ADCY5: variants seen among roughly 807,000 people sequenced by gnomAD.
The protein encoded by ADCY5 is adenylate cyclase 5.
A neutral mutation model predicts 119.7 loss-of-function variants in ADCY5; 30 were observed. The observed-to-expected ratio is 0.25, with a 90% CI of 0.19 to 0.34. ADCY5 has a LOEUF of 0.34. Ranked by LOEUF, ADCY5 falls within the 10% of genes least tolerant of loss-of-function variation. The probability of loss-of-function intolerance (pLI) is 1.00; values close to 1 mark genes in which losing one functional copy is unlikely to be tolerated. For synonymous variants in ADCY5, 753 were observed against 762.2 expected, an observed-to-expected ratio of 0.99 and a Z score of 0.20; for missense variants, 1,324 against 1,775.2, an observed-to-expected ratio of 0.75 and a Z score of 4.57.
intron 1 of ADCY5, among the ~76,000 whole-genome samples, chr3:123,440,467 C>G (rs1050203636): frequency 2.6e-5 from 4 of 151,728 alleles, no homozygotes; most frequent in Non-Finnish European, 4.4e-5. Context: ...AACCACCCCC[C>G]CTTTCTCTTG....
chr3:123,398,998 C>T (rs1468164195), intron 1 of ADCY5, among the ~76,000 whole-genome samples: 1 of 152,248 alleles, frequency 6.6e-6, no homozygotes, highest in Non-Finnish European at 1.5e-5. Context: ...GGCCATCCAG[C>T]TATCCCCTTA....
intron 3 of ADCY5, among the ~76,000 whole-genome samples, chr3:123,341,716 A>G (rs548804555): frequency 1.6e-4 from 24 of 152,104 alleles, no homozygotes; most frequent in African/African-American, 5.3e-4. Flanking sequence ...GACTCCACCA[A>G]CAGGGCCCCC....
intron 1 of ADCY5, among the ~76,000 whole-genome samples, chr3:123,442,034 C>G (rs1576699862): frequency 6.7e-6 from 1 of 150,096 alleles, no homozygotes; most frequent in African/African-American, 2.5e-5. Context: ...TGTTTGGGAG[C>G]AGAATGAATA....
intron 1 of ADCY5, among the ~76,000 whole-genome samples, chr3:123,366,506 G>C (rs775542797): frequency 3.9e-5 from 6 of 152,244 alleles, no homozygotes; most frequent in Non-Finnish European, 7.3e-5. Flanking sequence ...AAAAGGGAAG[G>C]GGGGCTGGAG....
chr3:123,437,420 C>G (rs574631599), intron 1 of ADCY5, among the ~76,000 whole-genome samples: 1 of 152,198 alleles, frequency 6.6e-6, no homozygotes, highest in Non-Finnish European at 1.5e-5. Flanking sequence ...GTGAAAGGTA[C>G]ATGCCCAGGG....
chr3:123,343,707 G>C (rs1369473626), intron 3 of ADCY5, among the ~76,000 whole-genome samples: 1 of 152,130 alleles, frequency 6.6e-6, no homozygotes, highest in Non-Finnish European at 1.5e-5. Flanking sequence ...TCCCTCCCAG[G>C]TGTGGGGAGG....
At chr3:123,437,857 CGAT>C (rs1458232979) in intron 1 of ADCY5, among the ~76,000 whole-genome samples, 1 of 152,144 alleles carries the variant, frequency 6.6e-6, no homozygotes, top group Non-Finnish European at 1.5e-5. Context: ...CAACCTCTTC[CGAT>C]GTCTAACAAC....
chr3:123,361,682 G>A (rs1383823442), intron 1 of ADCY5, among the ~76,000 whole-genome samples: 1 of 152,160 alleles, frequency 6.6e-6, no homozygotes, highest in Non-Finnish European at 1.5e-5. Context: ...AAATGCTAGG[G>A]ACCAGAAGTG....
intron 1 of ADCY5, among the ~76,000 whole-genome samples, chr3:123,446,777 C>T (rs1221390701): frequency 6.6e-6 from 1 of 152,154 alleles, no homozygotes; most frequent in African/African-American, 2.4e-5. Context: ...GAATTGCCAC[C>T]ACACACATCT....
At chr3:123,358,223 T>C (rs1255150771) in intron 1 of ADCY5, among the ~76,000 whole-genome samples, 1 of 143,204 alleles carries the variant, frequency 7.0e-6, no homozygotes, top group African/African-American at 2.7e-5. Context: ...GCGGAGCACG[T>C]GACATATACC....
At position 123,286,396 on chromosome 3, in the gene ADCY5, ACT is replaced by A. The variant is rs1938762474; in HGVS notation, c.3657+287_3657+288del. Among the ~76,000 whole-genome samples, 1 of 151,922 alleles carries A rather than the reference ACT, an allele frequency of 6.6e-6. No homozygotes were observed. The highest frequency in any genetic ancestry group is 1.5e-5 in the Non-Finnish European group (1 of 67,934). ...AGGAGGCACTGGGGCCTGCATGTGCACTCTCAGCTCGGCCTCTACAATCAGAT... is the reference window on the plus strand; with the variant it reads ...AGGAGGCACTGGGGCCTGCATGTGCACTCAGCTCGGCCTCTACAATCAGAT... On this transcript the variant is annotated intron_variant, in intron 20 of 20. Transcript: ENST00000462833. The surrounding 1 kb of genome is among the most constrained non-coding windows in gnomAD (Gnocchi z 4.2).
intron 1 of ADCY5, among the ~76,000 whole-genome samples, chr3:123,411,945 A>T (rs901336233): frequency 2.6e-5 from 4 of 152,086 alleles, no homozygotes; most frequent in African/African-American, 9.7e-5. Context: ...CCCAGGTACC[A>T]AGCCCACCCA....
chr3:123,368,681 G>GGCTCT (rs2107526068), intron 1 of ADCY5, among the ~76,000 whole-genome samples: 1 of 151,840 alleles, frequency 6.6e-6, no homozygotes, highest in East Asian at 1.9e-4. Flanking sequence ...GAACCCATAA[G>GGCTCT]GCAGAGGTTG....
chr3:123,438,799 T>G (rs1945670080), intron 1 of ADCY5, among the ~76,000 whole-genome samples: 1 of 152,000 alleles, frequency 6.6e-6, no homozygotes, highest in Non-Finnish European at 1.5e-5. Flanking sequence ...CAGACTGGAG[T>G]ACAGTGGCAT....
chr3:123,445,347 C>G lies in ADCY5; in HGVS notation c.1134+2065G>C, dbSNP rs571023738. Among the ~76,000 whole-genome samples the G allele has an allele frequency of 2.4e-4, 36 of 150,014 alleles. No homozygotes were observed. The South Asian group carries it at 7.7e-3, about 32-fold the overall frequency. ...GCTAAGGTGGAATTGGGGCCCCCCC[C>G]AAGGCTCAGCACCCCTTTCCTGGGA... On this transcript the variant is annotated intron_variant, in intron 1 of 20. Transcript: ENST00000462833.
chr3:123,299,198 C>A (rs1939692364), intron 15 of ADCY5, among the ~76,000 whole-genome samples: 1 of 152,158 alleles, frequency 6.6e-6, no homozygotes, highest in African/African-American at 2.4e-5. Context: ...CCTCCAATGA[C>A]AAAGGACAAC....
chr3:123,377,909 G>A (rs1407072237), intron 1 of ADCY5, among the ~76,000 whole-genome samples: 4 of 124,718 alleles, frequency 3.2e-5, no homozygotes, highest in African/African-American at 6.1e-5. Context: ...CAGCCTGGGC[G>A]AGAGTGCAAG....
At chr3:123,433,326 C>T (rs1409693216) in intron 1 of ADCY5, among the ~76,000 whole-genome samples, 2 of 152,168 alleles carry the variant, frequency 1.3e-5, no homozygotes, top group African/African-American at 4.8e-5. Context: ...GCTGGCATCA[C>T]CTACAGGGAG....
chr3:123,422,927 T>C (rs1352875676), intron 1 of ADCY5, among the ~76,000 whole-genome samples: 1 of 152,194 alleles, frequency 6.6e-6, no homozygotes, highest in Non-Finnish European at 1.5e-5. Flanking sequence ...AGGAATTTTG[T>C]ATAGCAGAAT....
Sources: gnomAD v4.1 joint callset for allele counts (sites outside exome capture counted in the v4.1 genomes callset) on GRCh38, gnomAD v4.1.1 for gene constraint, Gnocchi (gnomAD v3.1) non-coding constraint, MANE v1.5 for transcripts, NCBI Gene and HGNC (gene_info 2026-07-23, HGNC 2026-07-21) for gene names.